Variants in EBF1 observed in about 807,000 individuals in gnomAD.
EBF1 encodes transcription factor COE1.
In EBF1, 10 loss-of-function variants were observed where a neutral mutation model predicts 68.4. The ratio of observed to expected loss-of-function variants is 0.15; its 90% CI spans 0.09 to 0.25. The LOEUF is 0.25. Among genes scored for constraint, EBF1 ranks in the 10% least tolerant of loss-of-function variants. The pLI is 1.00. For synonymous variants in EBF1, 298 were observed against 299.8 expected, an observed-to-expected ratio of 0.99 and a Z score of 0.06; for missense variants, 509 against 794.4, an observed-to-expected ratio of 0.64 and a Z score of 4.32.
chr5:158,752,367 T>C (rs1769109111), intron 10 of EBF1, among the ~76,000 whole-genome samples: 1 of 148,566 alleles, frequency 6.7e-6, no homozygotes, highest in African/African-American at 2.5e-5. Flanking sequence ...GACTTGAATA[T>C]CTTCAAGGAT....
rs2420522 is a variant in EBF1 at position 159,053,603 on chromosome 5, T to A, written c.554+19793A>T. 2.2e-3 allele frequency among the ~76,000 whole-genome samples: 327 copies of A among 145,348 alleles called. 6 individuals are homozygous for A. The highest frequency in any genetic ancestry group is 2.8e-3 in the Non-Finnish European group (185 of 66,656). ...ACCCCTCTCTCCCTCTCTCTCTCTC[T>A]CTCACACACACACACACACACACAC... On this transcript the variant is annotated intron_variant, in intron 6 of 15. Transcript: ENST00000313708.
intron 6 of EBF1, among the ~76,000 whole-genome samples, chr5:159,058,556 A>T (rs569240588): frequency 5.3e-5 from 8 of 152,180 alleles, no homozygotes; most frequent in Admixed American, 2.0e-4. Flanking sequence ...GTCCCCAGGA[A>T]TCATTTATAA....
intron 6 of EBF1, among the ~76,000 whole-genome samples, chr5:158,908,210 AAC>A (rs1400549504): frequency 5.8e-4 from 89 of 152,244 alleles, no homozygotes; most frequent in African/African-American, 2.0e-3. Context: ...TTATTTCCCA[AAC>A]TGTTGGGGAG....
At chr5:158,902,419 C>CT (rs11366010) in intron 6 of EBF1, among the ~76,000 whole-genome samples, 48 of 142,824 alleles carry the variant, frequency 3.4e-4, no homozygotes, top group Non-Finnish European at 5.0e-4. Context: ...GCTTCTTTTT[C>CT]TTTTTTTTTT....
intron 6 of EBF1, among the ~76,000 whole-genome samples, chr5:159,057,103 T>TA (rs1774901125): frequency 7.0e-6 from 1 of 143,516 alleles, no homozygotes; most frequent in Non-Finnish European, 1.5e-5. Context: ...TCTTTTCTTT[T>TA]CTTTTTTTTT....
intron 10 of EBF1, among the ~76,000 whole-genome samples, chr5:158,739,889 T>C (rs2127567481): frequency 6.6e-6 from 1 of 152,342 alleles, no homozygotes; most frequent in East Asian, 1.9e-4. Context: ...TCACCCCGTG[T>C]GTGTTCAGAA....
chr5:159,099,289 C>G, intron 1 of EBF1, 56 bp downstream of exon 1: 1 of 1,374,940 alleles, frequency 7.3e-7, no homozygotes, highest in Non-Finnish European at 9.5e-7. Context: ...CCGCCTCCGC[C>G]TCCCGGCTCT....
Position 159,041,225 on chromosome 5 carries a change from G to T in EBF1, c.554+32171C>A, listed in dbSNP as rs535496595. ...ATTATGCTGAATCTAACTCATCCCT[G>T]CTATGAAAACATAGCAAACACTGCA... On this transcript the variant is annotated intron_variant, in intron 6 of 15. Transcript: ENST00000313708. Among the ~76,000 whole-genome samples the T allele has an allele frequency of 2.0e-5, 3 of 152,254 alleles. No individual in the cohort carries two copies. The South Asian group carries it at 6.2e-4, about 32-fold the overall frequency.
At chr5:158,775,783 GACAC>G (rs58752245) in intron 10 of EBF1, among the ~76,000 whole-genome samples, 16,387 of 129,394 alleles carry the variant, frequency 0.13, 1,144 homozygotes, top group East Asian at 0.35. Flanking sequence ...CATGCACACA[GACAC>G]ACACACACAC....
intron 15 of EBF1, among the ~76,000 whole-genome samples, chr5:158,703,718 A>T (rs1464928212): frequency 6.6e-6 from 1 of 151,910 alleles, no homozygotes; most frequent in Non-Finnish European, 1.5e-5. Flanking sequence ...TGGTCACCGC[A>T]TGTTATCCAG....
intron 6 of EBF1, among the ~76,000 whole-genome samples, chr5:158,920,656 G>A (rs1460752382): frequency 6.6e-6 from 1 of 152,030 alleles, no homozygotes; most frequent in Non-Finnish European, 1.5e-5. Context: ...ATAGCTCACT[G>A]CAGCCTGCAA....
chr5:158,941,892 A>G (rs1813497458), intron 6 of EBF1, among the ~76,000 whole-genome samples: 1 of 152,194 alleles, frequency 6.6e-6, no homozygotes. Context: ...CTGAAGGTGA[A>G]GTGATTCGTC....
chr5:158,905,721 A>T (rs1202481400), intron 6 of EBF1, among the ~76,000 whole-genome samples: 1 of 152,170 alleles, frequency 6.6e-6, no homozygotes, highest in Non-Finnish European at 1.5e-5. Flanking sequence ...CTTGCTCATT[A>T]TTGAAATATG....
chr5:158,980,753 A>G (rs1757730795), intron 6 of EBF1, among the ~76,000 whole-genome samples: 1 of 152,194 alleles, frequency 6.6e-6, no homozygotes, highest in African/African-American at 2.4e-5. Context: ...AGGTGTCTCT[A>G]TGACACCCAG....
intron 7 of EBF1, among the ~76,000 whole-genome samples, chr5:158,829,718 C>T (rs932886499): frequency 5.9e-5 from 9 of 152,156 alleles, no homozygotes; most frequent in African/African-American, 2.2e-4. Flanking sequence ...CTACATTCTA[C>T]ATTCTACCTG....
At chr5:158,859,449 G>A (rs1794616801) in intron 6 of EBF1, among the ~76,000 whole-genome samples, 1 of 152,158 alleles carries the variant, frequency 6.6e-6, no homozygotes, top group Non-Finnish European at 1.5e-5. Context: ...GTCTGTGAGT[G>A]TCTTTCTTAC....
chr5:158,733,896 T>C (rs1290434819), intron 10 of EBF1, among the ~76,000 whole-genome samples: 2 of 152,100 alleles, frequency 1.3e-5, no homozygotes, highest in Non-Finnish European at 2.9e-5. Flanking sequence ...AGAAAAAAAG[T>C]AAACCAATTA....
chr5:158,875,270 G>A (rs958685460), intron 6 of EBF1, among the ~76,000 whole-genome samples: 1 of 152,152 alleles, frequency 6.6e-6, no homozygotes, highest in Admixed American at 6.5e-5. Flanking sequence ...GCTTGAAACC[G>A]AGGAAGAAGG....
intron 6 of EBF1, among the ~76,000 whole-genome samples, chr5:158,955,125 C>T (rs942699505): frequency 2.0e-5 from 3 of 152,046 alleles, no homozygotes; most frequent in African/African-American, 7.2e-5. Flanking sequence ...GAGTTCAAGA[C>T]CAGCCTGGCC....
Sources: allele counts gnomAD v4.1 joint callset (sites outside exome capture counted in the v4.1 genomes callset), GRCh38; gene constraint gnomAD v4.1.1; transcripts MANE v1.5; gene names NCBI Gene and HGNC (gene_info 2026-07-23, HGNC 2026-07-21).